The following CSMD1 variants were observed in gnomAD, a reference collection of about 807,000 sequenced individuals.
The protein encoded by CSMD1 is CUB and Sushi multiple domains 1.
CSMD1 carries 213 observed loss-of-function variants against 417.5 expected under a neutral mutation model. That is an observed-to-expected ratio of 0.51 (90% CI 0.46 to 0.57). The LOEUF (loss-of-function observed/expected upper bound fraction) is 0.57, where lower values mean the gene tolerates loss of function less well. Among genes scored for constraint, CSMD1 ranks in the 20% least tolerant of loss-of-function variants. The pLI, the probability that CSMD1 is intolerant of heterozygous loss-of-function variation, is 0.00. For missense variants in CSMD1, 6,923 were observed against 4,529.7 expected, an observed-to-expected ratio of 1.53 and a Z score of -15.17; for synonymous variants, 2,862 against 1,736.8, an observed-to-expected ratio of 1.65 and a Z score of -16.11.
At chr8:3,850,684 G>T (rs1050421817) in intron 5 of CSMD1, among the ~76,000 whole-genome samples, 1 of 151,912 alleles carries the variant, frequency 6.6e-6, no homozygotes, top group African/African-American at 2.4e-5. Context: ...GACAGAGTGC[G>T]ACTCTGTCTC....
At chr8:4,786,100 G>A (rs906414309) in intron 1 of CSMD1, among the ~76,000 whole-genome samples, 22 of 145,654 alleles carry the variant, frequency 1.5e-4, no homozygotes, top group Admixed American at 2.1e-4. Context: ...AGATGTGTAA[G>A]ACCAAAAAAA....
At chr8:4,112,774 C>A (rs1295327977) in intron 3 of CSMD1, among the ~76,000 whole-genome samples, 1 of 152,164 alleles carries the variant, frequency 6.6e-6, no homozygotes, top group Non-Finnish European at 1.5e-5. Flanking sequence ...CAGCTTATGG[C>A]TCCAAACGTT....
At chr8:3,238,507 G>A (rs1490472318) in intron 26 of CSMD1, among the ~76,000 whole-genome samples, 2 of 152,114 alleles carry the variant, frequency 1.3e-5, no homozygotes, top group African/African-American at 4.8e-5. Context: ...AATGGGCGAT[G>A]TTTCTCAGGG....
chr8:3,913,859 G>A (rs558682857), intron 5 of CSMD1, among the ~76,000 whole-genome samples: 3 of 151,928 alleles, frequency 2.0e-5, no homozygotes, highest in East Asian at 3.9e-4. Flanking sequence ...TTTCCTGTGT[G>A]TGTATATATA....
chr8:3,148,357 GA>G (rs781733138), intron 40 of CSMD1, among the ~76,000 whole-genome samples: 63 of 152,202 alleles, frequency 4.1e-4, no homozygotes, highest in Non-Finnish European at 5.4e-4. Context: ...GAGATTCTGA[GA>G]AGAGCTTGCT....
At chr8:4,620,004 G>A (rs914259308) in intron 2 of CSMD1, among the ~76,000 whole-genome samples, 3 of 151,888 alleles carry the variant, frequency 2.0e-5, no homozygotes, top group Non-Finnish European at 4.4e-5. Context: ...ATGTTCTTAA[G>A]CATTGATTTT....
chr8:4,844,743 C>A (rs184573617), intron 1 of CSMD1, among the ~76,000 whole-genome samples: 1 of 152,142 alleles, frequency 6.6e-6, no homozygotes. Flanking sequence ...TATTTCAAAA[C>A]CATCTCAGTG....
At chr8:4,094,135 G>A (rs909981036) in intron 3 of CSMD1, among the ~76,000 whole-genome samples, 2 of 152,202 alleles carry the variant, frequency 1.3e-5, no homozygotes, top group South Asian at 4.1e-4. Flanking sequence ...TCCGTGTGTG[G>A]GGGGGATGAG....
At chr8:3,570,365 G>C (rs1433435071) in intron 10 of CSMD1, among the ~76,000 whole-genome samples, 1 of 152,070 alleles carries the variant, frequency 6.6e-6, no homozygotes. Flanking sequence ...TCTTTCCTTG[G>C]CTCCGTGGCA....
At chr8:3,564,098 G>A (rs1338177160) in intron 10 of CSMD1, among the ~76,000 whole-genome samples, 4 of 152,094 alleles carry the variant, frequency 2.6e-5, no homozygotes, top group African/African-American at 4.8e-5. Context: ...ACCAAACAGT[G>A]TAACAGGAAT....
At chr8:3,903,574 C>T (rs111907886) in intron 5 of CSMD1, among the ~76,000 whole-genome samples, 18 of 152,202 alleles carry the variant, frequency 1.2e-4, no homozygotes, top group East Asian at 1.9e-4. Context: ...TAGAATATTA[C>T]GGTGCCTTTT....
At chr8:4,961,990 G>A (rs916618369) in intron 1 of CSMD1, among the ~76,000 whole-genome samples, 3 of 151,712 alleles carry the variant, frequency 2.0e-5, no homozygotes, top group African/African-American at 7.3e-5. Context: ...TCCTGTACAT[G>A]GATACAAAAT....
intron 1 of CSMD1, among the ~76,000 whole-genome samples, chr8:4,646,057 C>T (rs938485059): frequency 6.6e-6 from 1 of 152,084 alleles, no homozygotes. Context: ...GATTTTTTTG[C>T]CTGAAACAGG....
chr8:3,678,307 G>C (rs1438487904), intron 7 of CSMD1, among the ~76,000 whole-genome samples: 1 of 152,120 alleles, frequency 6.6e-6, no homozygotes, highest in Non-Finnish European at 1.5e-5. Flanking sequence ...TAGACGAATG[G>C]CTAACTAGAA....
intron 40 of CSMD1, among the ~76,000 whole-genome samples, chr8:3,144,520 G>T (rs547217244): frequency 1.3e-5 from 2 of 151,940 alleles, no homozygotes; most frequent in South Asian, 4.1e-4. Flanking sequence ...TTCATATCAC[G>T]TTGTCCAAGT....
chr8:4,696,540 C>G (rs954579149), intron 1 of CSMD1, among the ~76,000 whole-genome samples: 1 of 152,108 alleles, frequency 6.6e-6, no homozygotes, highest in African/African-American at 2.4e-5. Flanking sequence ...CCTGGAAGCC[C>G]CTAATATTTG....
intron 3 of CSMD1, among the ~76,000 whole-genome samples, chr8:4,308,677 T>C (rs1176620991): frequency 1.3e-5 from 2 of 152,214 alleles, no homozygotes; most frequent in Admixed American, 1.3e-4. Context: ...TTTACGCAAA[T>C]ATCTGGGTGC....
intron 5 of CSMD1, among the ~76,000 whole-genome samples, chr8:3,917,614 A>ATTTAT (rs1808918433): frequency 1.3e-5 from 1 of 79,518 alleles, no homozygotes; most frequent in Non-Finnish European, 2.8e-5. Context: ...TCATATTTAT[A>ATTTAT]TTTTACCTTT....
chr8:4,513,886 T>C (rs1442364222), intron 2 of CSMD1, among the ~76,000 whole-genome samples: 3 of 152,186 alleles, frequency 2.0e-5, no homozygotes, highest in African/African-American at 7.2e-5. Context: ...TTGTGATCAG[T>C]GGTTCCTAGG....
Sources: allele counts gnomAD v4.1 joint callset (sites outside exome capture counted in the v4.1 genomes callset), GRCh38; gene constraint gnomAD v4.1.1; transcripts MANE v1.5; gene names NCBI Gene and HGNC (gene_info 2026-07-23, HGNC 2026-07-21).